The following MEGF10 variants were observed in gnomAD, a reference collection of about 807,000 sequenced individuals.
MEGF10 encodes multiple epidermal growth factor-like domains protein 10.
In MEGF10, 86 loss-of-function variants were observed where a neutral mutation model predicts 147.5. The observed-to-expected ratio is 0.58, with a 90% CI of 0.49 to 0.70. The LOEUF (loss-of-function observed/expected upper bound fraction) is 0.70. Among genes scored for constraint, MEGF10 ranks in the 30% least tolerant of loss-of-function variants. The pLI, the probability that MEGF10 is intolerant of heterozygous loss-of-function variation, is 0.00. For missense variants in MEGF10, 1,329 were observed against 1,487.3 expected (o/e 0.89, Z 1.75); for synonymous variants, 478 against 525.5 (o/e 0.91, Z 1.24).
At chr5:127,298,572 A>C (rs1318331251) in intron 1 of MEGF10, among the ~76,000 whole-genome samples, 1 of 152,046 alleles carries the variant, frequency 6.6e-6, no homozygotes, top group African/African-American at 2.4e-5. Context: ...GGGTCCCAGG[A>C]TGTGTATTTT....
At chr5:127,379,694 G>C (rs2126881957) in intron 5 of MEGF10, among the ~76,000 whole-genome samples, 1 of 150,806 alleles carries the variant, frequency 6.6e-6, no homozygotes, top group East Asian at 2.0e-4. Context: ...GTGCCTCCCG[G>C]GTTCAAGTGA....
intron 5 of MEGF10, among the ~76,000 whole-genome samples, chr5:127,380,419 C>T (rs1381048472): frequency 2.0e-5 from 3 of 152,134 alleles, no homozygotes; most frequent in Non-Finnish European, 4.4e-5. Context: ...GGGCGTGATG[C>T]GAAGTCCTTC....
chr5:127,256,509 C>T, the MEGF10 span, among the ~76,000 whole-genome samples: 689 of 152,174 alleles, frequency 4.5e-3, 3 homozygotes, highest in African/African-American at 0.016. Flanking sequence ...AATTTTCCTT[C>T]GACTGACCAC....
intron 5 of MEGF10, among the ~76,000 whole-genome samples, chr5:127,392,826 G>C (rs1763754292): frequency 1.3e-5 from 2 of 152,122 alleles, no homozygotes; most frequent in Admixed American, 6.5e-5. Flanking sequence ...GTAGTACCCA[G>C]CAGTTTAAAC....
rs887090592 is a variant in MEGF10 at position 127,459,611 on chromosome 5, T to C, written c.*2293T>C. ...TTCCACTATTAATAAATTGAAAGCT[T>C]GCTGTACAAAGGCAACAGCAACTTA... On this transcript the variant is annotated 3_prime_UTR_variant, in exon 25 of 25. Transcript: ENST00000503335. The C allele has an allele frequency of 1.3e-5, 2 of 152,312 alleles. No homozygotes were observed. The highest frequency in any genetic ancestry group is 3.9e-4 in the East Asian group (2 of 5,188). 9.4% of individuals were successfully genotyped at this position (152,312 alleles called of 1,614,324 possible). A position where few individuals can be genotyped will look rare whatever the true frequency, so the allele number is the denominator to read the frequency against.
the MEGF10 span, among the ~76,000 whole-genome samples, chr5:127,263,533 GA>G: frequency 1.3e-5 from 2 of 151,864 alleles, no homozygotes; most frequent in African/African-American, 4.8e-5. Flanking sequence ...TAGTTGAAGG[GA>G]AAAAAATAGT....
At chr5:127,403,450 A>T (rs1458366945) in intron 8 of MEGF10, among the ~76,000 whole-genome samples, 1 of 152,212 alleles carries the variant, frequency 6.6e-6, no homozygotes, top group Non-Finnish European at 1.5e-5. Context: ...CAATTCAATT[A>T]CACTCTTCAA....
Position 127,460,140 on chromosome 5 carries a change from A to G in MEGF10, c.*2822A>G, listed in dbSNP as rs1766510143. The G allele has an allele frequency of 6.6e-6, 1 of 152,186 alleles. No homozygotes were observed. 9.4% of individuals were successfully genotyped at this position (152,186 alleles called of 1,614,324 possible). A position where few individuals can be genotyped will look rare whatever the true frequency, so the allele number is the denominator to read the frequency against. On this transcript the variant is annotated 3_prime_UTR_variant, in exon 25 of 25. Transcript: ENST00000503335. Reference sequence around the variant, plus strand: ...TATCCCATGGTGGTCAAAGCAGTAAAGGAGTTTAGAGATACTTAGCAAATG... The same window carrying G: ...TATCCCATGGTGGTCAAAGCAGTAAGGGAGTTTAGAGATACTTAGCAAATG...
chr5:127,394,182 G>A (rs1250860169), intron 5 of MEGF10, among the ~76,000 whole-genome samples: 2 of 152,148 alleles, frequency 1.3e-5, no homozygotes, highest in East Asian at 1.9e-4. Context: ...ATAAGGAGTT[G>A]ACAGATATTT....
At chr5:127,438,626 C>T in intron 17 of MEGF10, 59 bp downstream of exon 17, 1 of 1,587,016 alleles carries the variant, frequency 6.3e-7, no homozygotes, top group South Asian at 1.1e-5. Context: ...AGGAAACAGC[C>T]TTACCCTCCG....
intron 1 of MEGF10, among the ~76,000 whole-genome samples, chr5:127,299,778 G>C (rs1759688666): frequency 6.6e-6 from 1 of 150,574 alleles, no homozygotes; most frequent in South Asian, 2.1e-4. Context: ...ACAGAATACA[G>C]ACTTGAATGA....
chr5:127,374,581 C>G (rs2126871459), intron 5 of MEGF10, among the ~76,000 whole-genome samples: 1 of 152,308 alleles, frequency 6.6e-6, no homozygotes, highest in Non-Finnish European at 1.5e-5. Flanking sequence ...CTCATACTCT[C>G]TTCCTAAAAT....
At chr5:127,369,786 G>A in intron 4 of MEGF10, 124 bp from the exon 5 acceptor site, 1 of 669,498 alleles carries the variant, frequency 1.5e-6, no homozygotes. Context: ...ACGGACTGAA[G>A]AAAATTATCA....
the MEGF10 span, among the ~76,000 whole-genome samples, chr5:127,253,297 G>A: frequency 6.6e-6 from 1 of 151,866 alleles, no homozygotes; most frequent in Admixed American, 6.6e-5. Context: ...TTAGATAGGG[G>A]AAGTCCTAGA....
At position 127,434,751 on chromosome 5, in the gene MEGF10, C is replaced by T. The variant is rs755020554; in HGVS notation, c.1905C>T (p.Ser635=). ...CATGCCCACAGTGCGTTCACAGCAGCGGGCCCTGCCACCACATCACCGGCC... is the reference window on the plus strand; with the variant it reads ...CATGCCCACAGTGCGTTCACAGCAGTGGGCCCTGCCACCACATCACCGGCC... ...SQTCPQCVHS[S]GPCHHITGLC... is the part of the protein sequence containing the mutation. Residue 635 remains serine, a synonymous_variant, in exon 15 of 25, where the codon AGC becomes AGT. Transcript: ENST00000503335. 2.5e-5 allele frequency: 41 copies of T among 1,613,854 alleles called. No individual in the cohort carries two copies. The highest frequency in any genetic ancestry group is 3.1e-5 in the Non-Finnish European group (37 of 1,180,036).
chr5:127,398,625 G>A, intron 6 of MEGF10, 51 bp from the exon 7 acceptor site: 1 of 1,611,202 alleles, frequency 6.2e-7, no homozygotes, highest in South Asian at 1.1e-5. Flanking sequence ...GAACCCGAGG[G>A]TCATGTGTCT....
the MEGF10 span, among the ~76,000 whole-genome samples, chr5:127,260,656 G>A: frequency 4.0e-3 from 613 of 152,240 alleles, 3 homozygotes; most frequent in Non-Finnish European, 6.1e-3. Flanking sequence ...AAATGTATTA[G>A]GAAGAGAACA....
At chr5:127,277,910 GA>G in the MEGF10 span, among the ~76,000 whole-genome samples, 1 of 152,156 alleles carries the variant, frequency 6.6e-6, no homozygotes, top group Non-Finnish European at 1.5e-5. Context: ...ACTGTTGGGG[GA>G]AAATTAGGAG....
intron 4 of MEGF10, among the ~76,000 whole-genome samples, chr5:127,365,097 C>G (rs541504893): frequency 6.6e-6 from 1 of 152,310 alleles, no homozygotes; most frequent in East Asian, 1.9e-4. Flanking sequence ...GTGACTTACA[C>G]TCTTTGCTCA....
Sources: gnomAD v4.1 joint callset for allele counts (sites outside exome capture counted in the v4.1 genomes callset) on GRCh38, gnomAD v4.1.1 for gene constraint, MANE v1.5 for transcripts, NCBI Gene and HGNC (gene_info 2026-07-23, HGNC 2026-07-21) for gene names.